DEFB121: variants seen among roughly 807,000 people sequenced by gnomAD.
The protein encoded by DEFB121 is beta-defensin 121.
DEFB121 carries 5 observed loss-of-function variants against 2.5 expected under a neutral mutation model. The observed-to-expected ratio is 1.96, with a 90% confidence interval of 1.03 to 4.13. DEFB121 has a LOEUF of 4.13. DEFB121 is among the 30% of genes most tolerant of loss of function. DEFB121 has a pLI of 0.00. For synonymous variants in DEFB121, 39 were observed against 32.6 expected (o/e 1.20, Z -0.67); for missense variants, 87 against 85.0 (o/e 1.02, Z -0.09).
upstream of DEFB121, among the ~76,000 whole-genome samples, chr20:31,414,824 G>A (rs932637892): frequency 6.6e-6 from 1 of 152,200 alleles, no homozygotes; most frequent in Non-Finnish European, 1.5e-5. Context: ...GCTGAGGCAG[G>A]AGGATCCCTT....
At chr20:31,408,635 G>A (rs1978562953), upstream of DEFB121, among the ~76,000 whole-genome samples, 1 of 152,158 alleles carries the variant, frequency 6.6e-6, no homozygotes, top group South Asian at 2.1e-4. Flanking sequence ...GCAAATGAGT[G>A]TGGCTGTATT....
chr20:31,410,290 A>C (rs1978621335), upstream of DEFB121, among the ~76,000 whole-genome samples: 1 of 152,160 alleles, frequency 6.6e-6, no homozygotes, highest in Non-Finnish European at 1.5e-5. Flanking sequence ...GTCCTCACTT[A>C]CAAGTTGGAG....
chr20:31,414,799 C>T (rs1978758897), upstream of DEFB121, among the ~76,000 whole-genome samples: 1 of 152,136 alleles, frequency 6.6e-6, no homozygotes, highest in African/African-American at 2.4e-5. Flanking sequence ...GCCTGTAGTC[C>T]CAGCACTTTG....
upstream of DEFB121, among the ~76,000 whole-genome samples, chr20:31,407,899 C>T (rs149360297): frequency 0.02 from 3,032 of 152,224 alleles, 70 homozygotes; most frequent in African/African-American, 0.056. Context: ...TGCCTTAGCC[C>T]CCCGAGTAGC....
At chr20:31,409,666 G>A (rs574135555), upstream of DEFB121, among the ~76,000 whole-genome samples, 232 of 152,278 alleles carry the variant, frequency 1.5e-3, no homozygotes, top group African/African-American at 5.4e-3. Context: ...GCTTGAACCC[G>A]GGAGGCGGAG....
upstream of DEFB121, among the ~76,000 whole-genome samples, chr20:31,407,518 G>T (rs190622951): frequency 8.1e-4 from 123 of 152,246 alleles, no homozygotes; most frequent in African/African-American, 2.8e-3. Flanking sequence ...ATGCCCCAGT[G>T]GTCCAAGGAG....
upstream of DEFB121, among the ~76,000 whole-genome samples, chr20:31,416,107 C>T (rs1330716432): frequency 6.6e-6 from 1 of 152,074 alleles, no homozygotes; most frequent in Non-Finnish European, 1.5e-5. Context: ...GTCACACAGG[C>T]TGGAGTTCAG....
chr20:31,414,302 G>A (rs916915808), upstream of DEFB121, among the ~76,000 whole-genome samples: 1 of 152,028 alleles, frequency 6.6e-6, no homozygotes, highest in Admixed American at 6.6e-5. Flanking sequence ...GCAAAGGAAG[G>A]AAAGGAAGGA....
upstream of DEFB121, among the ~76,000 whole-genome samples, chr20:31,414,905 C>T (rs149738699): frequency 2.6e-4 from 40 of 152,168 alleles, no homozygotes; most frequent in African/African-American, 9.4e-4. Flanking sequence ...AAAAAATTAG[C>T]TGGGCATGGT....
At chr20:31,415,959 A>G (rs538744637), upstream of DEFB121, among the ~76,000 whole-genome samples, 1 of 152,312 alleles carries the variant, frequency 6.6e-6, no homozygotes, top group Admixed American at 6.5e-5. Context: ...TAGTCTTTGA[A>G]TGCAAATGTA....
At chr20:31,405,506 T>G (rs1470304027) in intron 1 of DEFB121, among the ~76,000 whole-genome samples, 3 of 152,184 alleles carry the variant, frequency 2.0e-5, no homozygotes, top group Non-Finnish European at 2.9e-5. Flanking sequence ...GAATATTAAA[T>G]AAACTCATTT....
At chr20:31,418,517 A>G in the DEFB121 span, among the ~76,000 whole-genome samples, 4 of 152,146 alleles carry the variant, frequency 2.6e-5, no homozygotes, top group African/African-American at 7.2e-5. Flanking sequence ...TCGCCCACCA[A>G]TGTCGTGACA....
At chr20:31,408,788 G>A (rs558883281), upstream of DEFB121, among the ~76,000 whole-genome samples, 1 of 152,206 alleles carries the variant, frequency 6.6e-6, no homozygotes, top group Non-Finnish European at 1.5e-5. Flanking sequence ...CACTTTGGGA[G>A]ACTGAGACAG....
chr20:31,406,275 G>A, upstream of DEFB121: 1 of 1,477,572 alleles, frequency 6.8e-7, no homozygotes, highest in Non-Finnish European at 9.0e-7. Context: ...GCCAAGATCA[G>A]TGAACCAGAA....
chr20:31,404,955 T>C lies in DEFB121; in HGVS notation c.189A>G (p.Leu63=). Residue 63 remains leucine (L), a synonymous_variant, in exon 2 of 2, where the codon TTA becomes TTG. Coordinates refer to ENST00000376314, the MANE Select transcript of DEFB121 (RefSeq NM_001011878.3). The part of the protein sequence containing the change: ...DPKYVPVKPK[L]TDTNTSLEST... The stretch of plus-strand genomic sequence containing the variant: ...ATTCCAGGCTTGTATTTGTGTCTGT[T>C]AATTTTGGTTTTACAGGTACATACT... The C allele has an allele frequency of 6.2e-7, 1 of 1,614,084 alleles. No homozygotes were observed. Among genetic ancestry groups the C allele is most frequent in the Non-Finnish European group, 8.5e-7 (1 of 1,180,014 alleles).
At chr20:31,416,054 T>TTTTG (rs58327582), upstream of DEFB121, among the ~76,000 whole-genome samples, 41,251 of 150,852 alleles carry the variant, frequency 0.27, 7,119 homozygotes, top group East Asian at 0.7. Flanking sequence ...CTTCCCACTT[T>TTTTG]TTTGTTTGTT....
In DEFB121 at chr20:31,404,879, C is replaced by T; in HGVS notation, c.*34G>A. The T allele has an allele frequency of 1.9e-6, 3 of 1,609,572 alleles. No individual in the cohort carries two copies. Among genetic ancestry groups the T allele is most frequent in the Non-Finnish European group, 2.5e-6 (3 of 1,178,486 alleles). On this transcript the variant is annotated 3_prime_UTR_variant, in exon 2 of 2. Transcript: ENST00000376314. ...ATGATTTAATAGAACTGCAGGATCC[C>T]ATGATGTTGAGACTCAAGGTTGGAA...
upstream of DEFB121, among the ~76,000 whole-genome samples, chr20:31,414,394 T>G (rs1978747317): frequency 6.6e-6 from 1 of 152,244 alleles, no homozygotes; most frequent in South Asian, 2.1e-4. Context: ...AAGAGATATC[T>G]GCACACCCAC....
At chr20:31,414,278 G>C (rs1478793552), upstream of DEFB121, among the ~76,000 whole-genome samples, 1 of 151,756 alleles carries the variant, frequency 6.6e-6, no homozygotes, top group East Asian at 1.9e-4. Flanking sequence ...GGGGAGGAAA[G>C]GAAGGAAAGG....
Sources: allele counts gnomAD v4.1 joint callset (sites outside exome capture counted in the v4.1 genomes callset), GRCh38; gene constraint gnomAD v4.1.1; transcripts MANE v1.5; gene names NCBI Gene and HGNC (gene_info 2026-07-23, HGNC 2026-07-21).